ARHGEF33: variants seen among roughly 807,000 people sequenced by gnomAD.
ARHGEF33 encodes the protein Rho guanine nucleotide exchange factor 33.
ARHGEF33 carries 72 observed loss-of-function variants against 101.9 expected under a neutral mutation model. The ratio of observed to expected loss-of-function variants is 0.71; its 90% CI spans 0.58 to 0.86. The LOEUF (loss-of-function observed/expected upper bound fraction) is 0.86. ARHGEF33 is among the 40% of genes least tolerant of loss of function. The pLI, the probability that ARHGEF33 is intolerant of heterozygous loss-of-function variation, is 0.00. For missense variants in ARHGEF33, 1,169 were observed against 1,111.3 expected (o/e 1.05, Z -0.74); for synonymous variants, 499 against 442.5 (o/e 1.13, Z -1.60).
At chr2:38,903,845 G>A (rs1285680628) in intron 2 of ARHGEF33, among the ~76,000 whole-genome samples, 1 of 152,068 alleles carries the variant, frequency 6.6e-6, no homozygotes, top group Non-Finnish European at 1.5e-5. Context: ...TTAGATGCGA[G>A]AACACCTTAT....
intron 11 of ARHGEF33, among the ~76,000 whole-genome samples, chr2:38,951,661 A>G (rs1024610867): frequency 4.6e-5 from 7 of 152,082 alleles, no homozygotes; most frequent in African/African-American, 1.7e-4. Flanking sequence ...ATCTGTGTAT[A>G]TATATACACA....
intron 9 of ARHGEF33, among the ~76,000 whole-genome samples, chr2:38,942,621 G>A (rs1667343115): frequency 6.6e-6 from 1 of 151,698 alleles, no homozygotes; most frequent in Admixed American, 6.6e-5. Flanking sequence ...TTAAATGACT[G>A]GAATATGTTT....
intron 17 of ARHGEF33, among the ~76,000 whole-genome samples, chr2:38,967,414 A>G (rs1329970033): frequency 6.6e-6 from 1 of 152,204 alleles, no homozygotes; most frequent in Non-Finnish European, 1.5e-5. Flanking sequence ...GCTTTGCTGG[A>G]TCCTCAACCC....
intron 13 of ARHGEF33, among the ~76,000 whole-genome samples, chr2:38,955,723 C>G (rs920243976): frequency 6.6e-6 from 1 of 151,930 alleles, no homozygotes; most frequent in African/African-American, 2.4e-5. Flanking sequence ...GTCGCCCAGG[C>G]TGGAGTGCAG....
At chr2:38,930,391 C>A (rs1666969961) in intron 6 of ARHGEF33, among the ~76,000 whole-genome samples, 1 of 151,104 alleles carries the variant, frequency 6.6e-6, no homozygotes, top group African/African-American at 2.4e-5. Context: ...ACCCTGTTGC[C>A]CACGCTGGAG....
Position 38,895,764 on chromosome 2 carries a change from T to G in ARHGEF33, c.-158-13T>G, listed in dbSNP as rs1434432609. On this transcript the variant is annotated splice_polypyrimidine_tract_variant and intron_variant, in intron 1 of 17. Coordinates refer to ENST00000409978, the MANE Select transcript of ARHGEF33 (RefSeq NM_001145451.5). Reference sequence around the variant, plus strand: ...ATCATTATCAATGGCGTTTTTTTTTTTTTTTTTTACAGAACTTCTAGAGAA... The same window carrying G: ...ATCATTATCAATGGCGTTTTTTTTTGTTTTTTTTACAGAACTTCTAGAGAA... 4 of 151,966 alleles carry G rather than the reference T, an allele frequency of 2.6e-5. No homozygotes were observed. Among genetic ancestry groups the G allele is most frequent in the African/African-American group, 2.4e-5 (1 of 41,416 alleles). The allele number at this position is 151,966 out of a possible 1,614,324, so 9.4% of individuals were successfully genotyped here.
chr2:38,951,137 C>A lies in ARHGEF33; in HGVS notation c.1053+16C>A, dbSNP rs1270981029. On this transcript the variant is annotated intron_variant, in intron 11 of 17. Transcript: ENST00000409978. ...AAATGACGAGGTAAGGTTTTTTCTGCCCCTCTATACATTTTACTTATACGG... is the reference window on the plus strand; with the variant it reads ...AAATGACGAGGTAAGGTTTTTTCTGACCCTCTATACATTTTACTTATACGG... 2 of 1,549,678 alleles carry A rather than the reference C, an allele frequency of 1.3e-6. No homozygotes were observed. Among genetic ancestry groups the A allele is most frequent in the African/African-American group, 1.4e-5 (1 of 72,928 alleles).
intron 10 of ARHGEF33, among the ~76,000 whole-genome samples, chr2:38,948,164 C>T (rs1055192351): frequency 2.0e-5 from 3 of 152,112 alleles, no homozygotes; most frequent in African/African-American, 7.2e-5. Context: ...TCAGGTCTGG[C>T]GCCAGGCAAA....
chr2:38,937,623 T>G, intron 9 of ARHGEF33, 64 bp downstream of exon 9: 1 of 987,128 alleles, frequency 1.0e-6, no homozygotes, highest in Non-Finnish European at 1.5e-6. Context: ...AGCTTTGAAC[T>G]CAAAGGCGAG....
At chr2:38,900,155 G>T (rs148531579) in intron 2 of ARHGEF33, among the ~76,000 whole-genome samples, 3 of 152,162 alleles carry the variant, frequency 2.0e-5, no homozygotes, top group African/African-American at 7.2e-5. Flanking sequence ...TTATACCACC[G>T]CATTCGCTCC....
At position 38,895,115 on chromosome 2, in the gene ARHGEF33, G is replaced by A. The variant is rs184265737; in HGVS notation, c.-158-662G>A. Among the ~76,000 whole-genome samples the A allele has an allele frequency of 2.6e-3, 396 of 152,172 alleles. 2 individuals carry two copies. The highest frequency in any genetic ancestry group is 3.4e-3 in the Middle Eastern group (1 of 294). ...CCCAGTCTCCCTCCCTCCAGGCTTC[G>A]TGTCCCTGAATCTTCACATCCACAC... On this transcript the variant is annotated intron_variant, in intron 1 of 17. Transcript: ENST00000409978.
At position 38,960,395 on chromosome 2, in the gene ARHGEF33, A is replaced by C; in HGVS notation, c.2090A>C (p.Gln697Pro). ...GCCTACAAACTGGAGGCGGCGGCGC[A>C]GGCGCACGGCAAGGCCAAGCCGCTG... ...SSAYKLEAAA[Q>P]AHGKAKPLSR... The change falls in exon 16 of 18, where the codon CAG becomes CCG. Residue 697 changes from glutamine to proline, a missense_variant. Gln to Pro is a moderately conservative substitution (Grantham distance 76). Coordinates refer to ENST00000409978, the MANE Select transcript of ARHGEF33 (RefSeq NM_001145451.5). 6.6e-7 allele frequency: 1 copy of C among 1,509,734 alleles called. No homozygotes were observed. Among genetic ancestry groups the C allele is most frequent in the Admixed American group, 2.1e-5 (1 of 47,610 alleles). The allele number at this position is 1,509,734 out of a possible 1,614,324, so 93.5% of individuals were successfully genotyped here.
intron 1 of ARHGEF33, among the ~76,000 whole-genome samples, chr2:38,892,230 G>A (rs1200236088): frequency 6.6e-6 from 1 of 152,078 alleles, no homozygotes; most frequent in Non-Finnish European, 1.5e-5. Flanking sequence ...CCCTTATATG[G>A]GGCAATGCCA....
At chr2:38,940,468 T>A (rs1032680349) in intron 9 of ARHGEF33, among the ~76,000 whole-genome samples, 5 of 151,854 alleles carry the variant, frequency 3.3e-5, no homozygotes, top group African/African-American at 1.2e-4. Context: ...GCCTCCGTCA[T>A]CCTATTCTGC....
At chr2:38,893,004 T>C (rs1007030896) in intron 1 of ARHGEF33, among the ~76,000 whole-genome samples, 3 of 152,148 alleles carry the variant, frequency 2.0e-5, no homozygotes, top group Non-Finnish European at 2.9e-5. Context: ...CAATGACTCA[T>C]TCTCTCCACT....
At chr2:38,939,587 TTAAG>T (rs768307260) in intron 9 of ARHGEF33, among the ~76,000 whole-genome samples, 20 of 152,220 alleles carry the variant, frequency 1.3e-4, no homozygotes, top group Non-Finnish European at 2.4e-4. Context: ...ATTATTAGTA[TTAAG>T]TATGTTTTTA....
At chr2:38,918,098 C>T (rs1278277286) in intron 2 of ARHGEF33, among the ~76,000 whole-genome samples, 1 of 152,176 alleles carries the variant, frequency 6.6e-6, no homozygotes, top group African/African-American at 2.4e-5. Context: ...ATGGACAGCT[C>T]ATGGAATTGC....
chr2:38,964,106 C>T (rs1668003539), intron 16 of ARHGEF33, among the ~76,000 whole-genome samples: 1 of 152,070 alleles, frequency 6.6e-6, no homozygotes. Context: ...AAGTGTGTCA[C>T]TTATGTCCAA....
In ARHGEF33 at chr2:38,975,100, C is replaced by T. The variant is rs1408985456; in HGVS notation, c.*1257C>T. 3.3e-5 allele frequency: 5 copies of T among 152,196 alleles called. No homozygotes were observed. The highest frequency in any genetic ancestry group is 4.8e-5 in the African/African-American group (2 of 41,458). 9.4% of individuals were successfully genotyped at this position (152,196 alleles called of 1,614,324 possible). On this transcript the variant is annotated 3_prime_UTR_variant, in exon 18 of 18. Transcript: ENST00000409978. ...ATCTTGGTACTCAAACTGGTGTCTT[C>T]AGAAGCTGTTCCTCTATTGAAGCGT...
Sources: gnomAD v4.1 joint callset for allele counts (sites outside exome capture counted in the v4.1 genomes callset) on GRCh38, gnomAD v4.1.1 for gene constraint, MANE v1.5 for transcripts, NCBI Gene and HGNC (gene_info 2026-07-23, HGNC 2026-07-21) for gene names.